Variants in DLGAP2 observed in about 807,000 individuals in gnomAD.
DLGAP2 encodes the protein DLG associated protein 2.
Under a neutral mutation model 100.3 loss-of-function variants are expected in DLGAP2, and 26 were observed. That is an observed-to-expected ratio of 0.26 (90% CI 0.19 to 0.36). DLGAP2 has a LOEUF of 0.36. Ranked by LOEUF, DLGAP2 falls within the 10% of genes least tolerant of loss-of-function variation. The pLI, the probability that DLGAP2 is intolerant of heterozygous loss-of-function variation, is 1.00. For missense variants in DLGAP2, 1,858 were observed against 1,453.2 expected (o/e 1.28, Z -4.53); for synonymous variants, 886 against 630.1 (o/e 1.41, Z -6.08).
intron 3 of DLGAP2, among the ~76,000 whole-genome samples, chr8:1,270,704 CTGTGTG>C (rs5888826): frequency 6.0e-5 from 9 of 150,644 alleles, no homozygotes; most frequent in South Asian, 4.2e-4. Context: ...GTGTGTGTCT[CTGTGTG>C]TGTGTGTGTG....
intron 3 of DLGAP2, among the ~76,000 whole-genome samples, chr8:1,331,457 C>T (rs1157926112): frequency 6.6e-6 from 1 of 152,146 alleles, no homozygotes; most frequent in African/African-American, 2.4e-5. Flanking sequence ...GGCACCATGC[C>T]GGGCAAACAA....
intron 3 of DLGAP2, among the ~76,000 whole-genome samples, chr8:1,475,527 C>T (rs2130222042): frequency 6.6e-6 from 1 of 152,292 alleles, no homozygotes; most frequent in African/African-American, 2.4e-5. Context: ...TTGTTGCAGG[C>T]TGTTTCGTGA....
At chr8:829,241 A>G (rs899207860) in intron 1 of DLGAP2, among the ~76,000 whole-genome samples, 4 of 152,224 alleles carry the variant, frequency 2.6e-5, no homozygotes, top group Non-Finnish European at 5.9e-5. Flanking sequence ...AGAATGTGTA[A>G]AAATAATCAA....
chr8:1,408,577 A>G lies in DLGAP2; in HGVS notation c.107-92789A>G, dbSNP rs77067015. Among the ~76,000 whole-genome samples, 527 of 152,312 alleles carry G rather than the reference A, an allele frequency of 3.5e-3. 9 individuals are homozygous for G. In the East Asian group the frequency reaches 0.048, roughly 14 times the overall value. On this transcript the variant is annotated intron_variant, in intron 3 of 14. Transcript: ENST00000637795. ...GTCAGGCACAGACACACACGGTGTT[A>G]ACTGTTCGGCAACTGGAGTTTCTAA...
In DLGAP2 at chr8:1,338,169, G is replaced by A. The variant is rs569020642; in HGVS notation, c.106+79286G>A. Among the ~76,000 whole-genome samples the A allele has an allele frequency of 2.6e-5, 4 of 152,332 alleles. No homozygotes were observed. In the South Asian group the frequency reaches 8.3e-4, roughly 32 times the overall value. On this transcript the variant is annotated intron_variant, in intron 3 of 14. Transcript: ENST00000637795. ...AGACAGTTACCTTATGACCCAGTGT[G>A]TGTATTCCTAAGCATTCATCCCAGA...
At chr8:949,314 G>C (rs1462499725) in intron 2 of DLGAP2, among the ~76,000 whole-genome samples, 1 of 152,196 alleles carries the variant, frequency 6.6e-6, no homozygotes, top group African/African-American at 2.4e-5. Context: ...TTGGGCGTGA[G>C]TCTGGGATTC....
intron 2 of DLGAP2, among the ~76,000 whole-genome samples, chr8:1,156,345 C>T (rs1419522667): frequency 1.3e-5 from 2 of 152,162 alleles, no homozygotes; most frequent in Non-Finnish European, 2.9e-5. Context: ...CCTGGTGGCC[C>T]GGAGGAGAGT....
In DLGAP2 at chr8:795,834, A is replaced by AGGCGTCCAGTGAGAACAG. The variant is rs1250616896; in HGVS notation, c.18+58010_18+58011insGCGTCCAGTGAGAACAGG. 9.9e-5 allele frequency among the ~76,000 whole-genome samples: 14 copies of AGGCGTCCAGTGAGAACAG among 141,030 alleles called. 2 individuals are homozygous for AGGCGTCCAGTGAGAACAG. Among genetic ancestry groups the AGGCGTCCAGTGAGAACAG allele is most frequent in the Admixed American group, 1.5e-4 (2 of 13,664 alleles). The allele number at this position is 141,030 out of a possible 152,430, so 92.5% of individuals were successfully genotyped here. A position where few individuals can be genotyped will look rare whatever the true frequency, so the allele number is the denominator to read the frequency against. On this transcript the variant is annotated intron_variant, in intron 1 of 14. Transcript: ENST00000637795. ...GTGAGAGCAGGCGTCCGGTGAGAGC[A>AGGCGTCCAGTGAGAACAG]GCTGTCCGGTGAGAGCAGGCGTCCA...
At chr8:791,756 A>G (rs1459335271) in intron 1 of DLGAP2, among the ~76,000 whole-genome samples, 1 of 152,228 alleles carries the variant, frequency 6.6e-6, no homozygotes, top group Non-Finnish European at 1.5e-5. Flanking sequence ...CAAGAAAAGC[A>G]CAGCAGAGAG....
At chr8:1,107,308 C>T (rs1366422476) in intron 2 of DLGAP2, among the ~76,000 whole-genome samples, 1 of 152,182 alleles carries the variant, frequency 6.6e-6, no homozygotes, top group African/African-American at 2.4e-5. Context: ...CTCATCACCA[C>T]TCCAGGGCTG....
At chr8:1,593,557 A>C (rs1233379917) in intron 6 of DLGAP2, among the ~76,000 whole-genome samples, 1 of 152,200 alleles carries the variant, frequency 6.6e-6, no homozygotes, top group African/African-American at 2.4e-5. Flanking sequence ...CTTACCAAAG[A>C]TGCTCGGGAG....
intron 2 of DLGAP2, among the ~76,000 whole-genome samples, chr8:1,111,264 A>G (rs1804947855): frequency 3.3e-5 from 5 of 152,172 alleles, no homozygotes. Context: ...GTGATGGCAG[A>G]AATCGTCTTC....
At chr8:1,286,095 G>T (rs1195128295) in intron 3 of DLGAP2, among the ~76,000 whole-genome samples, 1 of 152,224 alleles carries the variant, frequency 6.6e-6, no homozygotes, top group Non-Finnish European at 1.5e-5. Context: ...TCAAGGGCAG[G>T]ACCAGGTGGA....
chr8:1,447,802 G>A (rs1798023236), intron 3 of DLGAP2, among the ~76,000 whole-genome samples: 1 of 152,090 alleles, frequency 6.6e-6, no homozygotes, highest in African/African-American at 2.4e-5. Flanking sequence ...ACTTCTTCCT[G>A]GTTTAGTCTT....
intron 2 of DLGAP2, among the ~76,000 whole-genome samples, chr8:1,078,532 G>T (rs1803697728): frequency 6.6e-6 from 1 of 152,128 alleles, no homozygotes; most frequent in African/African-American, 2.4e-5. Context: ...GAGTTTTGCT[G>T]CCCTAAAAAC....
chr8:1,411,119 T>C (rs1796718753), intron 3 of DLGAP2, among the ~76,000 whole-genome samples: 1 of 152,194 alleles, frequency 6.6e-6, no homozygotes, highest in Non-Finnish European at 1.5e-5. Context: ...AGTCGTGGTC[T>C]CTTGTTCTGG....
intron 3 of DLGAP2, among the ~76,000 whole-genome samples, chr8:1,281,888 A>C (rs73670707): frequency 2.0e-5 from 3 of 152,344 alleles, no homozygotes; most frequent in East Asian, 1.9e-4. Flanking sequence ...GAGACGTTCA[A>C]ACCACAGCCA....
chr8:1,505,125 G>C (rs1220081777), intron 4 of DLGAP2, among the ~76,000 whole-genome samples: 1 of 150,866 alleles, frequency 6.6e-6, no homozygotes, highest in Non-Finnish European at 1.5e-5. Context: ...TCCAAATTGA[G>C]TGTTCCAATC....
At chr8:1,303,913 A>G (rs1401680727) in intron 3 of DLGAP2, among the ~76,000 whole-genome samples, 3 of 152,124 alleles carry the variant, frequency 2.0e-5, no homozygotes, top group Non-Finnish European at 1.5e-5. Context: ...TTTTGAGGCC[A>G]TTCACCTCCC....
Sources: allele counts gnomAD v4.1 joint callset (sites outside exome capture counted in the v4.1 genomes callset), GRCh38; gene constraint gnomAD v4.1.1; transcripts MANE v1.5; gene names NCBI Gene and HGNC (gene_info 2026-07-23, HGNC 2026-07-21).